Variants in YEATS2 observed in about 807,000 individuals in gnomAD.
YEATS2 encodes the protein YEATS domain containing 2, also known as YEATS domain-containing protein 2.
In YEATS2, 77 loss-of-function variants were observed where a neutral mutation model predicts 163.2. The observed-to-expected ratio is 0.47, with a 90% CI of 0.39 to 0.57. The LOEUF is 0.57. YEATS2 is among the 20% of genes least tolerant of loss of function. The pLI is 0.00. For missense variants in YEATS2, 1,549 were observed against 1,729.8 expected, an observed-to-expected ratio of 0.90 and a Z score of 1.85; for synonymous variants, 631 against 645.1, an observed-to-expected ratio of 0.98 and a Z score of 0.33.
At chr3:183,767,090 AATGCAG>A (rs1367943603) in intron 15 of YEATS2, among the ~76,000 whole-genome samples, 4 of 152,222 alleles carry the variant, frequency 2.6e-5, no homozygotes, top group Non-Finnish European at 4.4e-5. Context: ...TTCCCAACAG[AATGCAG>A]ATTTCCTCAT....
intron 16 of YEATS2, 140 bp from the exon 17 acceptor site, chr3:183,773,493 A>G (rs2108390727): frequency 2.5e-6 from 2 of 805,128 alleles, no homozygotes; most frequent in South Asian, 1.9e-5. Flanking sequence ...TCTTTAAAGC[A>G]TTGTGCATCT....
At chr3:183,721,835 G>T in intron 4 of YEATS2, 56 bp from the exon 5 acceptor site, 1 of 1,590,608 alleles carries the variant, frequency 6.3e-7, no homozygotes, top group Non-Finnish European at 8.6e-7. Flanking sequence ...TCAGATTTTT[G>T]CCTGCTTTTG....
chr3:183,787,684 G>A (rs555806443), intron 20 of YEATS2, among the ~76,000 whole-genome samples: 4 of 151,994 alleles, frequency 2.6e-5, no homozygotes, highest in African/African-American at 4.8e-5. Context: ...TTTAAATTTT[G>A]GTTTTCATTC....
In YEATS2 at chr3:183,809,707, A is replaced by G. The variant is rs146500125; in HGVS notation, c.4160+537A>G. 3.0e-3 allele frequency among the ~76,000 whole-genome samples: 458 copies of G among 152,308 alleles called. 3 individuals are homozygous for G. The highest frequency in any genetic ancestry group is 0.01 in the African/African-American group (434 of 41,558). ...CTGACTCGTTGTCTTTGATTAAGAC[A>G]CTGAGTTTCAGTCTGTTCCTAGGCC... On this transcript the variant is annotated intron_variant, in intron 30 of 30. Coordinates refer to ENST00000305135, the MANE Select transcript of YEATS2 (RefSeq NM_018023.5).
intron 10 of YEATS2, among the ~76,000 whole-genome samples, chr3:183,753,488 T>G (rs1720398081): frequency 6.6e-6 from 1 of 152,190 alleles, no homozygotes; most frequent in Admixed American, 6.5e-5. Flanking sequence ...GGCTCATGCC[T>G]GTAATTCCCA....
intron 21 of YEATS2, among the ~76,000 whole-genome samples, chr3:183,797,056 G>T (rs1725215844): frequency 6.6e-6 from 1 of 151,752 alleles, no homozygotes; most frequent in African/African-American, 2.4e-5. Context: ...ATCACTTGAG[G>T]TTGGGAGTTC....
At chr3:183,756,123 TTATCA>T (rs1400609159) in intron 11 of YEATS2, among the ~76,000 whole-genome samples, 2 of 152,142 alleles carry the variant, frequency 1.3e-5, no homozygotes, top group Admixed American at 6.6e-5. Flanking sequence ...GTTAAAAGAT[TTATCA>T]TATCAAGATT....
intron 15 of YEATS2, among the ~76,000 whole-genome samples, chr3:183,764,506 G>C (rs1456776792): frequency 6.6e-6 from 1 of 151,938 alleles, no homozygotes; most frequent in Non-Finnish European, 1.5e-5. Context: ...ATAGAGATTA[G>C]GATCAACTTA....
chr3:183,712,164 T>C (rs1321524296), intron 1 of YEATS2, among the ~76,000 whole-genome samples: 5 of 125,766 alleles, frequency 4.0e-5, no homozygotes, highest in Non-Finnish European at 8.2e-5. Context: ...AAAATGAGTA[T>C]TTTTGAGTTA....
intron 14 of YEATS2, among the ~76,000 whole-genome samples, chr3:183,761,869 T>C (rs1196224860): frequency 1.3e-5 from 2 of 152,216 alleles, no homozygotes; most frequent in Non-Finnish European, 2.9e-5. Context: ...GACTGTGTTA[T>C]TACAGGAGCA....
At chr3:183,752,633 C>T (rs1026439437) in intron 10 of YEATS2, among the ~76,000 whole-genome samples, 8 of 146,832 alleles carry the variant, frequency 5.4e-5, no homozygotes, top group Non-Finnish European at 9.0e-5. Flanking sequence ...GGCTCGAACC[C>T]GGGAGGTGGA....
At chr3:183,732,839 G>C (rs1337142316) in intron 7 of YEATS2, among the ~76,000 whole-genome samples, 1 of 152,112 alleles carries the variant, frequency 6.6e-6, no homozygotes, top group Non-Finnish European at 1.5e-5. Flanking sequence ...GATTACAGGC[G>C]TGAGCCACTG....
intron 9 of YEATS2, among the ~76,000 whole-genome samples, chr3:183,749,829 A>T (rs938457521): frequency 6.6e-6 from 1 of 151,282 alleles, no homozygotes; most frequent in Admixed American, 6.6e-5. Context: ...TTATTTATTT[A>T]TTTTTTGAGA....
chr3:183,761,409 G>A, intron 13 of YEATS2, 98 bp from the exon 14 acceptor site: 2 of 1,150,598 alleles, frequency 1.7e-6, no homozygotes, highest in Non-Finnish European at 2.6e-6. Flanking sequence ...TCTTTATATT[G>A]CTAGAGAATG....
Position 183,752,213 on chromosome 3 carries a change from G to A in YEATS2, c.1110G>A (p.Lys370=). 6.2e-7 allele frequency: 1 copy of A among 1,614,096 alleles called. No individual in the cohort carries two copies. The highest frequency in any genetic ancestry group is 8.5e-7 in the Non-Finnish European group (1 of 1,180,024). Residue 370 remains lysine, a synonymous_variant, in exon 10 of 31, where the codon AAG becomes AAA. Coordinates refer to ENST00000305135, the MANE Select transcript of YEATS2 (RefSeq NM_018023.5). ...PAPVKASSPI[K]QSHEPVPDTS... ...CAGTGAAAGCTTCTTCACCAATAAA[G>A]CAGTCACATGAGCCAGTACCCGATA...
At chr3:183,767,454 C>T (rs1317196338) in intron 15 of YEATS2, among the ~76,000 whole-genome samples, 2 of 151,788 alleles carry the variant, frequency 1.3e-5, no homozygotes, top group African/African-American at 4.8e-5. Flanking sequence ...CATCTCGGCT[C>T]ACTACAACCT....
chr3:183,797,879 A>T (rs1156658398), intron 21 of YEATS2, 44 bp from the exon 22 acceptor site: 3 of 1,611,620 alleles, frequency 1.9e-6, no homozygotes, highest in Non-Finnish European at 2.5e-6. Flanking sequence ...ACTTTCCCGA[A>T]GCACCTGACC....
chr3:183,708,656 A>G (rs1714870442), intron 1 of YEATS2, among the ~76,000 whole-genome samples: 1 of 152,122 alleles, frequency 6.6e-6, no homozygotes. Context: ...TCTTGAGGCC[A>G]GGAGTTCAAG....
intron 15 of YEATS2, among the ~76,000 whole-genome samples, chr3:183,765,926 G>C (rs1411683612): frequency 2.7e-5 from 4 of 150,114 alleles, no homozygotes; most frequent in Non-Finnish European, 4.4e-5. Context: ...CAGCCTGGGA[G>C]ATAGAGCAAG....
Sources: gnomAD v4.1 joint callset for allele counts (sites outside exome capture counted in the v4.1 genomes callset) on GRCh38, gnomAD v4.1.1 for gene constraint, MANE v1.5 for transcripts, NCBI Gene and HGNC (gene_info 2026-07-23, HGNC 2026-07-21) for gene names.